Variants in SLC25A48 observed in about 807,000 individuals in gnomAD.
The protein encoded by SLC25A48 is CTC-321K16.1.
Under a neutral mutation model 32.2 loss-of-function variants are expected in SLC25A48, and 29 were observed. The observed-to-expected ratio is 0.90, with a 90% CI of 0.67 to 1.23. The LOEUF (loss-of-function observed/expected upper bound fraction) is 1.23, where lower values mean the gene tolerates loss of function less well. Ranked by LOEUF, SLC25A48 falls within the 50% of genes most tolerant of loss-of-function variation. The pLI, the probability that SLC25A48 is intolerant of heterozygous loss-of-function variation, is 0.00. For missense variants in SLC25A48, 399 were observed against 422.7 expected, an observed-to-expected ratio of 0.94 and a Z score of 0.49; for synonymous variants, 164 against 172.3, an observed-to-expected ratio of 0.95 and a Z score of 0.38.
intron 3 of SLC25A48, among the ~76,000 whole-genome samples, chr5:135,659,235 C>A (rs1278756319): frequency 1.4e-5 from 2 of 144,304 alleles, no homozygotes; most frequent in African/African-American, 5.0e-5. Flanking sequence ...TGCTTTTCTG[C>A]TTAGAAATTT....
chr5:135,833,942 C>T (rs1212103542), upstream of SLC25A48, among the ~76,000 whole-genome samples: 1 of 152,228 alleles, frequency 6.6e-6, no homozygotes, highest in African/African-American at 2.4e-5. Context: ...CCATACCCTT[C>T]ACCATTCTTG....
At chr5:135,788,288 C>A (rs1439950587) in intron 3 of SLC25A48, among the ~76,000 whole-genome samples, 2 of 150,204 alleles carry the variant, frequency 1.3e-5, no homozygotes, top group Non-Finnish European at 3.0e-5. Flanking sequence ...GGATGTACAG[C>A]CCCTTGCCAT....
At chr5:135,727,286 T>TACACAC (rs58525226) in intron 3 of SLC25A48, among the ~76,000 whole-genome samples, 5 of 151,234 alleles carry the variant, frequency 3.3e-5, no homozygotes, top group South Asian at 2.1e-4. Context: ...TATATGTATG[T>TACACAC]ACACACACAC....
Position 135,852,923 on chromosome 5 carries a change from G to C in SLC25A48, c.421+102G>C. On this transcript the variant is annotated intron_variant, in intron 4 of 7. Coordinates refer to ENST00000681962, the MANE Select transcript of SLC25A48 (RefSeq NM_001349336.2). ...TGTTAAAATCCTTTTATTGAGCAAG[G>C]CATCTACCTTGTCACCTAGTAGTCC... 4.2e-6 allele frequency: 6 copies of C among 1,439,852 alleles called. No individual in the cohort carries two copies. In the South Asian group the frequency reaches 7.1e-5, roughly 17 times the overall value. 89.2% of individuals were successfully genotyped at this position (1,439,852 alleles called of 1,614,324 possible).
At chr5:135,785,309 G>A (rs11242282) in intron 3 of SLC25A48, among the ~76,000 whole-genome samples, 105,234 of 151,658 alleles carry the variant, frequency 0.69, 37,445 homozygotes, top group Middle Eastern at 0.8. Flanking sequence ...TGCTCCATGG[G>A]TCGTAATCTC....
chr5:135,786,944 GT>G (rs1314121920), intron 3 of SLC25A48, among the ~76,000 whole-genome samples: 3 of 151,988 alleles, frequency 2.0e-5, no homozygotes, highest in African/African-American at 4.8e-5. Context: ...AAAATCCTAG[GT>G]GGATGTTACT....
intron 3 of SLC25A48, among the ~76,000 whole-genome samples, chr5:135,751,844 A>G (rs1755777479): frequency 6.6e-6 from 1 of 152,190 alleles, no homozygotes; most frequent in Admixed American, 6.5e-5. Flanking sequence ...TAAAAAAATT[A>G]TATATATTTA....
intron 3 of SLC25A48, among the ~76,000 whole-genome samples, chr5:135,697,520 G>A (rs1487179194): frequency 6.6e-6 from 1 of 152,170 alleles, no homozygotes; most frequent in African/African-American, 2.4e-5. Context: ...TAGACCAGTG[G>A]GAGTGTGCCC....
intron 3 of SLC25A48, among the ~76,000 whole-genome samples, chr5:135,645,982 G>A (rs925029581): frequency 1.3e-5 from 2 of 152,150 alleles, no homozygotes; most frequent in African/African-American, 4.8e-5. Flanking sequence ...GATGGCCACA[G>A]GAATTCATTC....
At chr5:135,615,247 A>G (rs1171456531) in intron 1 of SLC25A48, among the ~76,000 whole-genome samples, 4 of 152,228 alleles carry the variant, frequency 2.6e-5, no homozygotes, top group Non-Finnish European at 4.4e-5. Context: ...TAGGAAGATG[A>G]GGGAAAGTTT....
chr5:135,822,405 C>T (rs567255909), intron 4 of SLC25A48, among the ~76,000 whole-genome samples: 62 of 152,304 alleles, frequency 4.1e-4, no homozygotes, highest in African/African-American at 1.4e-3. Context: ...CTCAAGGTGT[C>T]GGCAGAGTTG....
chr5:135,771,583 C>G (rs982822092), intron 3 of SLC25A48, among the ~76,000 whole-genome samples: 2 of 151,364 alleles, frequency 1.3e-5, no homozygotes, highest in Non-Finnish European at 3.0e-5. Context: ...TTCCTAATAT[C>G]TAGGGGGGAA....
At chr5:135,699,775 C>T (rs765405973) in intron 3 of SLC25A48, among the ~76,000 whole-genome samples, 3 of 152,328 alleles carry the variant, frequency 2.0e-5, no homozygotes, top group Non-Finnish European at 2.9e-5. Context: ...CTCACAGCCA[C>T]CTGCTTGGTA....
chr5:135,869,035 G>A (rs1158751585), intron 4 of SLC25A48, among the ~76,000 whole-genome samples: 2 of 152,152 alleles, frequency 1.3e-5, no homozygotes, highest in Non-Finnish European at 2.9e-5. Flanking sequence ...GTGGGAGAGA[G>A]AACCCACAAA....
At chr5:135,724,202 C>T (rs1474996226) in intron 3 of SLC25A48, among the ~76,000 whole-genome samples, 1 of 152,186 alleles carries the variant, frequency 6.6e-6, no homozygotes, top group Non-Finnish European at 1.5e-5. Flanking sequence ...TTCCCTGTGC[C>T]AGGCACTCTA....
intron 1 of SLC25A48, among the ~76,000 whole-genome samples, chr5:135,583,786 C>T (rs1751289252): frequency 1.3e-5 from 2 of 152,154 alleles, no homozygotes; most frequent in Admixed American, 1.3e-4. Flanking sequence ...TGGCTGCTGG[C>T]TCTGAATCCA....
At chr5:135,691,488 C>T (rs1191940986) in intron 3 of SLC25A48, among the ~76,000 whole-genome samples, 1 of 152,204 alleles carries the variant, frequency 6.6e-6, no homozygotes, top group African/African-American at 2.4e-5. Context: ...GAGCCAGGCA[C>T]TGCATGGGGC....
In SLC25A48 at chr5:135,693,633, C is replaced by G. The variant is rs146341520; in HGVS notation, c.-521+58677C>G. On this transcript the variant is annotated intron_variant, in intron 3 of 10. Transcript: ENST00000646290. ...TTGAGGCAAGACAGGCGCTGAAGCC[C>G]TGTTACCACCTGACACCACCCGTGC... Among the ~76,000 whole-genome samples, 325 of 152,352 alleles carry G rather than the reference C, an allele frequency of 2.1e-3. 3 individuals are homozygous for G. The highest frequency in any genetic ancestry group is 0.01 in the Middle Eastern group (3 of 294).
intron 3 of SLC25A48, among the ~76,000 whole-genome samples, chr5:135,743,561 A>G (rs936791082): frequency 7.2e-5 from 11 of 152,224 alleles, no homozygotes; most frequent in African/African-American, 2.4e-4. Context: ...GTATCTGTCA[A>G]TGAAACTATC....
Sources: allele counts gnomAD v4.1 joint callset (sites outside exome capture counted in the v4.1 genomes callset), GRCh38; gene constraint gnomAD v4.1.1; transcripts MANE v1.5; gene names NCBI Gene and HGNC (gene_info 2026-07-23, HGNC 2026-07-21).